The following RARB variants were observed in gnomAD, a reference collection of about 807,000 sequenced individuals.
RARB encodes retinoic acid receptor beta.
RARB carries 17 observed loss-of-function variants against 51.9 expected under a neutral mutation model. That is an observed-to-expected ratio of 0.33 (90% CI 0.22 to 0.49). The LOEUF is 0.49. RARB is among the 20% of genes least tolerant of loss of function. The pLI is 0.99. For synonymous variants in RARB, 215 were observed against 195.4 expected (o/e 1.10, Z -0.84); for missense variants, 369 against 550.8 (o/e 0.67, Z 3.30).
At chr3:25,227,032 G>C (rs181697643) in intron 5 of RARB, among the ~76,000 whole-genome samples, 2 of 152,090 alleles carry the variant, frequency 1.3e-5, no homozygotes, top group Non-Finnish European at 2.9e-5. Flanking sequence ...TTACTGTTTC[G>C]AGTTGTAGTC....
chr3:25,235,702 C>A (rs1702286101), intron 5 of RARB, among the ~76,000 whole-genome samples: 1 of 152,136 alleles, frequency 6.6e-6, no homozygotes, highest in Admixed American at 6.5e-5. Context: ...GGTAATAGGG[C>A]AGAATGAAGA....
At chr3:24,985,504 G>C (rs1178024212) in intron 2 of RARB, among the ~76,000 whole-genome samples, 1 of 152,136 alleles carries the variant, frequency 6.6e-6, no homozygotes, top group Non-Finnish European at 1.5e-5. Flanking sequence ...TTTGCACAAA[G>C]CAATTTTACC....
chr3:25,272,189 TA>T, intron 5 of RARB, among the ~76,000 whole-genome samples: 1 of 152,342 alleles, frequency 6.6e-6, no homozygotes, highest in East Asian at 1.9e-4. Context: ...AAAAACTGAA[TA>T]TGCTTCCTTT....
chr3:25,188,627 A>G (rs896576246), intron 5 of RARB, among the ~76,000 whole-genome samples: 2 of 152,142 alleles, frequency 1.3e-5, no homozygotes, highest in Admixed American at 1.3e-4. Context: ...TACTCTACCC[A>G]TGACTAAGTC....
At chr3:24,845,431 G>A (rs189152421) in intron 1 of RARB, among the ~76,000 whole-genome samples, 2 of 152,280 alleles carry the variant, frequency 1.3e-5, no homozygotes, top group East Asian at 3.9e-4. Flanking sequence ...TCCATGTGTG[G>A]TTTCCTAGGT....
intron 2 of RARB, among the ~76,000 whole-genome samples, chr3:24,992,504 A>G (rs115720505): frequency 0.037 from 5,570 of 152,288 alleles, 216 homozygotes; most frequent in Admixed American, 0.11. Flanking sequence ...AAAAAGCACT[A>G]CTGATCTGTT....
At chr3:24,985,631 T>A (rs961688982) in intron 2 of RARB, among the ~76,000 whole-genome samples, 4 of 152,196 alleles carry the variant, frequency 2.6e-5, no homozygotes, top group Admixed American at 6.5e-5. Flanking sequence ...AAAGAATAGA[T>A]GTTTGCCATT....
At chr3:24,985,356 T>G (rs530603103) in intron 2 of RARB, among the ~76,000 whole-genome samples, 46 of 151,910 alleles carry the variant, frequency 3.0e-4, no homozygotes, top group Admixed American at 2.3e-3. Flanking sequence ...TTTGTTTTTT[T>G]TTTTTTTTGA....
At chr3:24,905,009 A>C in intron 2 of RARB, among the ~76,000 whole-genome samples, 1 of 152,038 alleles carries the variant, frequency 6.6e-6, no homozygotes, top group East Asian at 1.9e-4. Flanking sequence ...AAGGGGAGGG[A>C]TAGTATTAGG....
intron 5 of RARB, chr3:25,345,988 A>T (rs1191461131): frequency 3.3e-6 from 2 of 612,710 alleles, no homozygotes; most frequent in South Asian, 7.4e-5. Flanking sequence ...GCTGGCTCCG[A>T]TGAGTAGTTC....
At chr3:25,099,371 G>T (rs1256905271) in intron 3 of RARB, among the ~76,000 whole-genome samples, 1 of 152,078 alleles carries the variant, frequency 6.6e-6, no homozygotes, top group African/African-American at 2.4e-5. Flanking sequence ...AGATTGTCAA[G>T]ATAAGCTTTC....
rs574621285 is a variant in RARB, at chr3:25,322,609, T to G, written c.179-138584T>G. Among the ~76,000 whole-genome samples the G allele has an allele frequency of 4.6e-5, 7 of 152,322 alleles. No individual in the cohort carries two copies. In the East Asian group the frequency reaches 1.3e-3, roughly 29 times the overall value. ...ATTTTTTACTATGACTTTGGGACAA[T>G]CTTTTAATTAATTTTATAATCATAT... On this transcript the variant is annotated intron_variant, in intron 5 of 11. Coordinates refer to the RARB transcript ENST00000383772.
intron 2 of RARB, among the ~76,000 whole-genome samples, chr3:24,869,290 T>A (rs1041101429): frequency 5.3e-5 from 8 of 152,188 alleles, no homozygotes; most frequent in Non-Finnish European, 1.0e-4. Context: ...TTGTGTATAA[T>A]ATTTTGATGT....
At position 24,876,772 on chromosome 3, in the gene RARB, C is replaced by T. The variant is rs764376779; in HGVS notation, c.-380+18020C>T. 3.3e-5 allele frequency among the ~76,000 whole-genome samples: 5 copies of T among 152,164 alleles called. No individual in the cohort carries two copies. The East Asian group carries it at 9.6e-4, about 29-fold the overall frequency. ...TGCCATGTGATATTATGCCAAAATA[C>T]AAAATTTTCTTACGTATGGAAACAT... On this transcript the variant is annotated intron_variant, in intron 2 of 11. Coordinates refer to the RARB transcript ENST00000383772.
At position 25,313,091 on chromosome 3, in the gene RARB, A is replaced by G. The variant is rs536977529; in HGVS notation, c.178+138516A>G. On this transcript the variant is annotated intron_variant, in intron 5 of 11. Coordinates refer to the RARB transcript ENST00000383772. Reference sequence around the variant, plus strand: ...CTTCCATTTCTATTTCCATTCTGTAAAATAGGGATGATGGTGGTGGAATGT... The same window carrying G: ...CTTCCATTTCTATTTCCATTCTGTAGAATAGGGATGATGGTGGTGGAATGT... Among the ~76,000 whole-genome samples, 6 of 152,230 alleles carry G rather than the reference A, an allele frequency of 3.9e-5. No homozygotes were observed. In the South Asian group the frequency reaches 6.2e-4, roughly 16 times the overall value.
At chr3:25,551,659 G>A (rs1036290080) in intron 3 of RARB, among the ~76,000 whole-genome samples, 1 of 152,140 alleles carries the variant, frequency 6.6e-6, no homozygotes, top group African/African-American at 2.4e-5. Context: ...ATTGAGATTC[G>A]AGTCTCCTGG....
chr3:25,189,532 C>A (rs910554784), intron 5 of RARB, among the ~76,000 whole-genome samples: 1 of 152,066 alleles, frequency 6.6e-6, no homozygotes, highest in Non-Finnish European at 1.5e-5. Flanking sequence ...CTCCAACAGA[C>A]AACAGGTGAT....
intron 3 of RARB, among the ~76,000 whole-genome samples, chr3:25,109,656 A>G (rs902060632): frequency 6.6e-6 from 1 of 152,150 alleles, no homozygotes; most frequent in African/African-American, 2.4e-5. Context: ...CTGGACACCT[A>G]TTGACTCTGC....
intron 3 of RARB, among the ~76,000 whole-genome samples, chr3:25,125,632 T>A (rs1466136446): frequency 6.6e-6 from 1 of 152,184 alleles, no homozygotes. Flanking sequence ...ACTCTGACAG[T>A]GGGATTAAAT....
Sources: gnomAD v4.1 joint callset for allele counts (sites outside exome capture counted in the v4.1 genomes callset) on GRCh38, gnomAD v4.1.1 for gene constraint, MANE v1.5 for transcripts, NCBI Gene and HGNC (gene_info 2026-07-23, HGNC 2026-07-21) for gene names.